The following GABRG3 variants were observed in gnomAD, a reference collection of about 807,000 sequenced individuals.
The protein encoded by GABRG3 is gamma-aminobutyric acid receptor subunit gamma-3.
In GABRG3, 25 loss-of-function variants were observed where a neutral mutation model predicts 48.8. That is an observed-to-expected ratio of 0.51 (90% CI 0.37 to 0.72). GABRG3 has a LOEUF of 0.72. GABRG3 is among the 30% of genes least tolerant of loss of function. The pLI, the probability that GABRG3 is intolerant of heterozygous loss-of-function variation, is 0.00. For missense variants in GABRG3, 394 were observed against 577.9 expected (o/e 0.68, Z 3.26); for synonymous variants, 227 against 217.6 (o/e 1.04, Z -0.38).
At chr15:27,033,442 C>G (rs1199048560) in intron 3 of GABRG3, among the ~76,000 whole-genome samples, 1 of 152,074 alleles carries the variant, frequency 6.6e-6, no homozygotes, top group Non-Finnish European at 1.5e-5. Flanking sequence ...GGATAGCTAG[C>G]AAGGAAGTAA....
chr15:27,424,655 G>A (rs1208042295), intron 5 of GABRG3, among the ~76,000 whole-genome samples: 1 of 150,584 alleles, frequency 6.6e-6, no homozygotes, highest in African/African-American at 2.4e-5. Context: ...CCAGGTTCAA[G>A]CAATTCTCCT....
intron 5 of GABRG3, among the ~76,000 whole-genome samples, chr15:27,456,665 G>T (rs947640418): frequency 2.0e-5 from 3 of 152,178 alleles, no homozygotes; most frequent in African/African-American, 7.2e-5. Context: ...TGACAGGGCT[G>T]CCCTGGAGTT....
At position 27,534,660 on chromosome 15, in the gene GABRG3, A is replaced by G. The variant is rs1177132597; in HGVS notation, c.*1779A>G. 7 of 152,252 alleles carry G rather than the reference A, an allele frequency of 4.6e-5. No individual in the cohort carries two copies. The highest frequency in any genetic ancestry group is 1.9e-4 in the East Asian group (1 of 5,196). The allele number at this position is 152,252 out of a possible 1,614,324, so 9.4% of individuals were successfully genotyped here. A position where few individuals can be genotyped will look rare whatever the true frequency, so the allele number is the denominator to read the frequency against. On this transcript the variant is annotated 3_prime_UTR_variant, in exon 10 of 10. Coordinates refer to ENST00000615808, the MANE Select transcript of GABRG3 (RefSeq NM_033223.5). ...GCAGAGAAAGTATAGAAAAGTATCA[A>G]TTTCACACAATGTCCTGGATGTATA...
chr15:27,022,820 G>C (rs1337319279), intron 2 of GABRG3, among the ~76,000 whole-genome samples: 1 of 152,126 alleles, frequency 6.6e-6, no homozygotes, highest in African/African-American at 2.4e-5. Flanking sequence ...TCTCCTCACT[G>C]GCTTCTTCCA....
intron 5 of GABRG3, among the ~76,000 whole-genome samples, chr15:27,408,438 C>A (rs1205384901): frequency 6.6e-6 from 1 of 152,150 alleles, no homozygotes; most frequent in Non-Finnish European, 1.5e-5. Flanking sequence ...GAAACCAGGT[C>A]TCAAAATCCC....
intron 5 of GABRG3, among the ~76,000 whole-genome samples, chr15:27,443,692 A>G (rs1257092648): frequency 2.0e-5 from 3 of 152,188 alleles, no homozygotes; most frequent in East Asian, 3.9e-4. Flanking sequence ...ACTGAATGAG[A>G]GTGGCAAGAG....
intron 2 of GABRG3, among the ~76,000 whole-genome samples, chr15:27,010,939 G>A (rs1342243576): frequency 6.6e-6 from 1 of 152,032 alleles, no homozygotes; most frequent in African/African-American, 2.4e-5. Context: ...TCTGCCTCCC[G>A]GGTTCCAGCG....
chr15:27,032,005 T>G (rs1398852532), intron 3 of GABRG3, among the ~76,000 whole-genome samples: 1 of 152,232 alleles, frequency 6.6e-6, no homozygotes, highest in Non-Finnish European at 1.5e-5. Flanking sequence ...TTCTTAAATA[T>G]TGTTTTGGCA....
intron 9 of GABRG3, among the ~76,000 whole-genome samples, chr15:27,531,182 G>A (rs1315400543): frequency 1.3e-5 from 2 of 152,180 alleles, no homozygotes; most frequent in Non-Finnish European, 2.9e-5. Context: ...CCACACGTGT[G>A]AGGAGCAAGC....
At chr15:27,174,615 T>TCA (rs1368817123) in intron 3 of GABRG3, among the ~76,000 whole-genome samples, 33 of 150,538 alleles carry the variant, frequency 2.2e-4, no homozygotes, top group African/African-American at 7.6e-4. Context: ...TCTCTCTCTC[T>TCA]CTCACTCTCA....
intron 2 of GABRG3, among the ~76,000 whole-genome samples, chr15:26,989,248 T>G (rs1210396769): frequency 6.6e-6 from 1 of 152,222 alleles, no homozygotes; most frequent in Non-Finnish European, 1.5e-5. Context: ...TTTCATCTTA[T>G]TCTTAGTTGC....
chr15:27,379,172 G>A (rs975710337), intron 5 of GABRG3, among the ~76,000 whole-genome samples: 1 of 152,140 alleles, frequency 6.6e-6, no homozygotes. Context: ...CTGGTTTTGA[G>A]AATTTTATAA....
At chr15:27,367,876 C>G (rs1006784046) in intron 5 of GABRG3, among the ~76,000 whole-genome samples, 3 of 152,186 alleles carry the variant, frequency 2.0e-5, no homozygotes, top group African/African-American at 7.2e-5. Flanking sequence ...AATTGGACCA[C>G]TGTGATAAGG....
chr15:27,327,075 A>C, intron 4 of GABRG3, 46 bp downstream of exon 4: 1 of 1,505,100 alleles, frequency 6.6e-7, no homozygotes, highest in Non-Finnish European at 9.1e-7. Context: ...TTAAAATGGG[A>C]TCCTTAATTT....
intron 5 of GABRG3, among the ~76,000 whole-genome samples, chr15:27,410,316 A>G (rs1001092775): frequency 6.6e-6 from 1 of 152,044 alleles, no homozygotes; most frequent in African/African-American, 2.4e-5. Flanking sequence ...TTTTAAAATC[A>G]TTTTTCATCT....
At chr15:27,071,996 A>T (rs577804684) in intron 3 of GABRG3, among the ~76,000 whole-genome samples, 10 of 152,320 alleles carry the variant, frequency 6.6e-5, no homozygotes, top group Non-Finnish European at 1.0e-4. Flanking sequence ...TTTAAGCCAT[A>T]AGCAAAGCCG....
intron 3 of GABRG3, among the ~76,000 whole-genome samples, chr15:27,043,740 A>C (rs1896316688): frequency 6.6e-6 from 1 of 152,192 alleles, no homozygotes. Context: ...GAAGTACCCC[A>C]ATGCTTTGTG....
intron 3 of GABRG3, among the ~76,000 whole-genome samples, chr15:27,211,490 G>A (rs1327971835): frequency 6.6e-6 from 1 of 152,186 alleles, no homozygotes; most frequent in African/African-American, 2.4e-5. Context: ...TTTTAAAAAT[G>A]TATCCTTTTA....
intron 2 of GABRG3, among the ~76,000 whole-genome samples, chr15:27,011,019 G>T (rs1248239710): frequency 6.6e-6 from 1 of 151,994 alleles, no homozygotes; most frequent in Non-Finnish European, 1.5e-5. Context: ...GCTAATTCTT[G>T]TATTTTTAGT....
Sources: allele counts gnomAD v4.1 joint callset (sites outside exome capture counted in the v4.1 genomes callset), GRCh38; gene constraint gnomAD v4.1.1; transcripts MANE v1.5; gene names NCBI Gene and HGNC (gene_info 2026-07-23, HGNC 2026-07-21).